The following NTRK1 variants were observed in gnomAD, a reference collection of about 807,000 sequenced individuals.
NTRK1 encodes the protein high affinity nerve growth factor receptor.
In NTRK1, 62 loss-of-function variants were observed where a neutral mutation model predicts 86.8. That is an observed-to-expected ratio of 0.71 (90% CI 0.58 to 0.88). The LOEUF (loss-of-function observed/expected upper bound fraction) is 0.88, where lower values mean the gene tolerates loss of function less well. Among genes scored for constraint, NTRK1 ranks in the 40% least tolerant of loss-of-function variants. NTRK1 has a pLI of 0.00. For missense variants in NTRK1, 967 were observed against 1,078.4 expected, an observed-to-expected ratio of 0.90 and a Z score of 1.45; for synonymous variants, 469 against 456.6, an observed-to-expected ratio of 1.03 and a Z score of -0.35.
chr1:156,844,895 A>G (rs1187136270), intron 2 of NTRK1: 2 of 1,608,690 alleles, frequency 1.2e-6, no homozygotes, highest in East Asian at 2.2e-5. Context: ...ATCTCACCTT[A>G]TGTTCAAACC....
chr1:156,850,809 AG>A (rs1185295226), intron 2 of NTRK1, among the ~76,000 whole-genome samples: 1 of 150,438 alleles, frequency 6.6e-6, no homozygotes, highest in Non-Finnish European at 1.5e-5. Flanking sequence ...CACCCGCCTC[AG>A]CCTCCCAAAG....
intron 1 of NTRK1, among the ~76,000 whole-genome samples, chr1:156,835,762 T>C (rs1265779401): frequency 6.6e-6 from 1 of 152,232 alleles, no homozygotes; most frequent in Admixed American, 6.5e-5. Flanking sequence ...TAGTGCTTTA[T>C]AGCTTACAAA....
intron 12 of NTRK1, 39 bp downstream of exon 12, chr1:156,875,705 G>GTGTC (rs1176908041): frequency 3.5e-6 from 5 of 1,429,440 alleles, no homozygotes; most frequent in Non-Finnish European, 4.7e-6. Flanking sequence ...GGACGAGTGT[G>GTGTC]TGTGTGTGTG....
rs147983523 is a variant in NTRK1 at position 156,864,420 on chromosome 1, G to A, written c.279G>A (p.Leu93=). The A allele has an allele frequency of 2.5e-4, 396 of 1,613,704 alleles. No homozygotes were observed. The highest frequency in any genetic ancestry group is 3.2e-4 in the Non-Finnish European group (373 of 1,179,860). ...ELRDLRGLGE[L]RNLTIVKSGL... ...GTGATCTGAGGGGCCTGGGGGAGCT[G>A]AGAAACCTGTGAGGGAAACGGGGAC... Residue 93 remains leucine, a synonymous_variant, in exon 2 of 17, where the codon CTG becomes CTA. Coordinates refer to ENST00000524377, the MANE Select transcript of NTRK1 (RefSeq NM_002529.4).
chr1:156,857,209 G>GTGTGTA (rs1264141001), upstream of NTRK1, among the ~76,000 whole-genome samples: 1 of 141,192 alleles, frequency 7.1e-6, no homozygotes, highest in Non-Finnish European at 1.5e-5. Flanking sequence ...GTGTGTGTGT[G>GTGTGTA]TGTGTATGTC....
In NTRK1 at chr1:156,860,963, T is replaced by C; in HGVS notation, c.29T>C (p.Leu10Pro). 6.6e-7 allele frequency: 1 copy of C among 1,507,722 alleles called. No homozygotes were observed. Among genetic ancestry groups the C allele is most frequent in the Non-Finnish European group, 8.8e-7 (1 of 1,136,146 alleles). 93.4% of individuals were successfully genotyped at this position (1,507,722 alleles called of 1,614,324 possible). A position where few individuals can be genotyped will look rare whatever the true frequency, so the allele number is the denominator to read the frequency against. MLRGGRRGQLGWHSWAAGPG... is the reference protein window; with the variant it reads MLRGGRRGQPGWHSWAAGPG... Reference sequence around the variant, plus strand: ...CTGCGAGGCGGACGGCGCGGGCAGCTTGGCTGGCACAGCTGGGCTGCGGGG... The same window carrying C: ...CTGCGAGGCGGACGGCGCGGGCAGCCTGGCTGGCACAGCTGGGCTGCGGGG... The change falls in exon 1 of 17, where the codon CTT (leucine) becomes CCT (proline). Residue 10 changes from leucine (L) to proline (P), a missense_variant. Physicochemically the swap from Leu to Pro is moderately conservative, Grantham distance 98. Coordinates refer to ENST00000524377, the MANE Select transcript of NTRK1 (RefSeq NM_002529.4).
intron 1 of NTRK1, among the ~76,000 whole-genome samples, chr1:156,829,944 C>A (rs556137368): frequency 6.6e-6 from 1 of 152,234 alleles, no homozygotes; most frequent in Non-Finnish European, 1.5e-5. Context: ...TGAGCCACTA[C>A]GCTTGGCCCA....
rs762866535 is a variant in NTRK1, at chr1:156,879,993, T to C, written c.2047-6T>C. 2.0e-5 allele frequency: 33 copies of C among 1,612,488 alleles called. No homozygotes were observed. Among genetic ancestry groups the C allele is most frequent in the Non-Finnish European group, 2.8e-5 (33 of 1,179,962 alleles). ...CTGGAATTGATGCAGTGTCCGCCCG[T>C]GGCAGGTGGGAGGCCGCACCATGCT... On this transcript the variant is annotated splice_region_variant and splice_polypyrimidine_tract_variant and intron_variant, in intron 15 of 16. Coordinates refer to ENST00000524377, the MANE Select transcript of NTRK1 (RefSeq NM_002529.4).
chr1:156,843,025 T>C, intron 2 of NTRK1: 1 of 1,613,950 alleles, frequency 6.2e-7, no homozygotes, highest in Non-Finnish European at 8.5e-7. Context: ...ACTTGAAGGC[T>C]TTCATGACAG....
At chr1:156,818,181 G>A (rs545057618) in intron 1 of NTRK1, among the ~76,000 whole-genome samples, 1 of 152,220 alleles carries the variant, frequency 6.6e-6, no homozygotes, top group Non-Finnish European at 1.5e-5. Context: ...TAGGCCAAAG[G>A]TTCATGACTA....
At chr1:156,877,333 C>T (rs746250706) in intron 14 of NTRK1, among the ~76,000 whole-genome samples, 23 of 152,232 alleles carry the variant, frequency 1.5e-4, no homozygotes, top group Non-Finnish European at 2.4e-4. Context: ...TCTTTGGCTT[C>T]GGACAGAACA....
intron 6 of NTRK1, among the ~76,000 whole-genome samples, chr1:156,868,938 GAGAGGGTCACAGAA>G (rs1245491492): frequency 6.6e-6 from 1 of 152,144 alleles, no homozygotes; most frequent in Non-Finnish European, 1.5e-5. Context: ...GGCTGCAAGG[GAGAGGGTCACAGAA>G]ACCTTACATG....
intron 2 of NTRK1, 56 bp from the exon 3 acceptor site, chr1:156,864,672 C>T: frequency 1.3e-6 from 2 of 1,586,746 alleles, no homozygotes; most frequent in African/African-American, 1.3e-5. Context: ...GCAGGGAGGG[C>T]CAGGGGCCCA....
At chr1:156,873,061 G>GTGTGTGTT (rs1435611877) in intron 7 of NTRK1, among the ~76,000 whole-genome samples, 2 of 148,814 alleles carry the variant, frequency 1.3e-5, no homozygotes, top group Non-Finnish European at 3.0e-5. Flanking sequence ...GTGTGTGTGT[G>GTGTGTGTT]TTTGAAGAGA....
chr1:156,842,111 C>T (rs2102853539), exon 2 of NTRK1: 1 of 1,613,998 alleles, frequency 6.2e-7, no homozygotes, highest in Non-Finnish European at 8.5e-7. Flanking sequence ...ACCCTCTGTA[C>T]CCCCGATCTT....
In NTRK1 at chr1:156,881,704, C is replaced by A. The variant is rs1352374509; in HGVS notation, c.*62C>A. On this transcript the variant is annotated 3_prime_UTR_variant, in exon 17 of 17. Coordinates refer to ENST00000524377, the MANE Select transcript of NTRK1 (RefSeq NM_002529.4). ...TACTGGGGCCTGCCCTCAGCATCCC[C>A]CATAGCTCCCAGCAGCCCCAGGGTG... 6.8e-7 allele frequency: 1 copy of A among 1,475,590 alleles called. No individual in the cohort carries two copies. Among genetic ancestry groups the A allele is most frequent in the East Asian group, 2.4e-5 (1 of 41,178 alleles). 91.4% of individuals were successfully genotyped at this position (1,475,590 alleles called of 1,614,324 possible).
At position 156,864,795 on chromosome 1, in the gene NTRK1, C is replaced by T. The variant is rs757031354; in HGVS notation, c.355C>T (p.Arg119Cys). The change falls in exon 3 of 17, where the codon CGC becomes TGC. Residue 119 changes from arginine (R) to cysteine (C), a missense_variant. Around this residue, in one of 2 missense-constraint regions of NTRK1, gnomAD observed 330 missense variants for 302.0 expected, o/e 1.09. Coordinates refer to ENST00000524377, the MANE Select transcript of NTRK1 (RefSeq NM_002529.4). ...CTTCCATTTCACTCCTCGGCTCAGT[C>T]GCCTGTGAGTGTGGCCAGTGCTGGG... ...DAFHFTPRLS[R>C]LNLSFNALES... is the part of the protein sequence containing the mutation. The T allele has an allele frequency of 2.9e-5, 46 of 1,613,326 alleles. No individual in the cohort carries two copies. The highest frequency in any genetic ancestry group is 6.7e-5 in the Admixed American group (4 of 59,944).
At position 156,876,514 on chromosome 1, in the gene NTRK1, C is replaced by T. The variant is rs371344688; in HGVS notation, c.1747C>T (p.Arg583Cys). 5.0e-5 allele frequency: 81 copies of T among 1,613,496 alleles called. No individual in the cohort carries two copies. Among genetic ancestry groups the T allele is most frequent in the Non-Finnish European group, 6.6e-5 (78 of 1,180,018 alleles). ...CTTCTTCGGCGTCTGCACCGAGGGC[C>T]GCCCCCTGCTCATGGTCTTTGAGTA... ...VRFFGVCTEGRPLLMVFEYMR... is the reference protein window; with the variant it reads ...VRFFGVCTEGCPLLMVFEYMR... Residue 583 changes from arginine to cysteine, a missense_variant, in exon 14 of 17, where the codon CGC becomes TGC. Physicochemically the swap from Arg to Cys is radical, Grantham distance 180. This residue lies in a region of NTRK1 where 637 missense variants were observed against 776.5 expected (regional missense o/e 0.82). Coordinates refer to ENST00000524377, the MANE Select transcript of NTRK1 (RefSeq NM_002529.4).
At chr1:156,842,290 G>A (rs771085993) in intron 2 of NTRK1, 9 of 1,613,712 alleles carry the variant, frequency 5.6e-6, no homozygotes, top group Non-Finnish European at 7.6e-6. Context: ...AAGATTGGGG[G>A]CTGGTGAGGA....
Sources: allele counts gnomAD v4.1 joint callset (sites outside exome capture counted in the v4.1 genomes callset), GRCh38; gene constraint gnomAD v4.1.1; regional missense constraint gnomAD v4.1.1; transcripts MANE v1.5; gene names NCBI Gene and HGNC (gene_info 2026-07-23, HGNC 2026-07-21).